IMMP2L: variants seen among roughly 807,000 people sequenced by gnomAD.
The protein encoded by IMMP2L is inner mitochondrial membrane peptidase subunit 2.
IMMP2L carries 18 observed loss-of-function variants against 19.3 expected under a neutral mutation model. That is an observed-to-expected ratio of 0.93 (90% confidence interval 0.64 to 1.38). The LOEUF (loss-of-function observed/expected upper bound fraction) is 1.38, where lower values mean the gene tolerates loss of function less well. Among genes scored for constraint, IMMP2L ranks in the 40% most tolerant of loss-of-function variants. The pLI, the probability that IMMP2L is intolerant of heterozygous loss-of-function variation, is 0.00. For missense variants in IMMP2L, 233 were observed against 218.2 expected (o/e 1.07, Z -0.43); for synonymous variants, 76 against 73.0 (o/e 1.04, Z -0.21).
chr7:110,702,276 G>C (rs537314134), intron 5 of IMMP2L, among the ~76,000 whole-genome samples: 2 of 152,128 alleles, frequency 1.3e-5, no homozygotes, highest in Middle Eastern at 3.4e-3. Context: ...TCGCACTTGT[G>C]ACAAATTTGG....
At chr7:111,331,689 A>G (rs1825894473) in intron 3 of IMMP2L, among the ~76,000 whole-genome samples, 2 of 152,060 alleles carry the variant, frequency 1.3e-5, no homozygotes, top group South Asian at 4.1e-4. Flanking sequence ...ATACAATTAT[A>G]AATTATCAAT....
At chr7:110,971,145 C>G (rs748413000) in intron 3 of IMMP2L, among the ~76,000 whole-genome samples, 5 of 152,066 alleles carry the variant, frequency 3.3e-5, no homozygotes, top group Admixed American at 6.6e-5. Context: ...TTAGAAGTAC[C>G]TGTAGCCACC....
intron 4 of IMMP2L, among the ~76,000 whole-genome samples, chr7:110,917,797 G>T (rs1181743788): frequency 2.0e-5 from 3 of 152,064 alleles, no homozygotes; most frequent in Non-Finnish European, 4.4e-5. Flanking sequence ...AAAAACATCA[G>T]TTGCCTGGCA....
chr7:111,024,767 A>T (rs1826646869), intron 3 of IMMP2L, among the ~76,000 whole-genome samples: 1 of 152,136 alleles, frequency 6.6e-6, no homozygotes, highest in African/African-American at 2.4e-5. Context: ...TATAATCCAT[A>T]AACAACTTTA....
intron 5 of IMMP2L, among the ~76,000 whole-genome samples, chr7:110,718,830 A>T (rs376117967): frequency 3.3e-5 from 5 of 152,222 alleles, no homozygotes; most frequent in African/African-American, 9.6e-5. Context: ...TGAAATAGCC[A>T]GAAGCAGCAA....
chr7:111,118,626 T>A (rs1800182067), intron 3 of IMMP2L, among the ~76,000 whole-genome samples: 1 of 152,096 alleles, frequency 6.6e-6, no homozygotes, highest in African/African-American at 2.4e-5. Context: ...AAATTAATAA[T>A]GAATAAGAAA....
Position 110,663,630 on chromosome 7 carries a change from C to T in IMMP2L, c.500G>A (p.Arg167His), listed in dbSNP as rs200952795. The change falls in exon 6 of 6, where the codon CGC becomes CAC. Residue 167 changes from arginine (R) to histidine (H), a missense_variant. By Grantham distance (29) the Arg-to-His change is conservative (BLOSUM62 0). Transcript: ENST00000405709. ...TTCCTCTTCTCTCTGTACTGGTAAG[C>T]GCTCTGGAGGAAGAACAGATTCCAA... is the stretch of plus-strand genomic sequence containing the variant. Reference protein sequence around the residue: ...QKLESVLPPERLPVQREEE With the variant: ...QKLESVLPPEHLPVQREEE The T allele has an allele frequency of 5.0e-5, 81 of 1,612,696 alleles. No homozygotes were observed. The highest frequency in any genetic ancestry group is 6.7e-5 in the East Asian group (3 of 44,812).
At chr7:111,385,650 T>C (rs984766071) in intron 3 of IMMP2L, among the ~76,000 whole-genome samples, 1 of 152,132 alleles carries the variant, frequency 6.6e-6, no homozygotes, top group Non-Finnish European at 1.5e-5. Context: ...GTTTCTACCA[T>C]ATAAACGTCA....
At chr7:111,424,282 T>C (rs1411979948) in intron 3 of IMMP2L, among the ~76,000 whole-genome samples, 1 of 151,590 alleles carries the variant, frequency 6.6e-6, no homozygotes, top group Non-Finnish European at 1.5e-5. Flanking sequence ...TCTGTTTAAG[T>C]AGCCAGGAAG....
intron 5 of IMMP2L, among the ~76,000 whole-genome samples, chr7:110,858,298 C>G (rs987997445): frequency 6.6e-6 from 1 of 152,054 alleles, no homozygotes; most frequent in Non-Finnish European, 1.5e-5. Flanking sequence ...TGCAGAAATA[C>G]AGTAGGTCTA....
intron 5 of IMMP2L, among the ~76,000 whole-genome samples, chr7:110,854,535 C>T (rs1461331398): frequency 1.3e-5 from 2 of 151,896 alleles, no homozygotes; most frequent in African/African-American, 4.8e-5. Flanking sequence ...GGAACATGCA[C>T]TTAAAACATT....
chr7:111,317,712 TTGG>T lies in IMMP2L; in HGVS notation c.239+169523_239+169525del, dbSNP rs557062754. On this transcript the variant is annotated intron_variant, in intron 3 of 5. Transcript: ENST00000405709. ...AAACAATCTGTCAGTTTGATTTCAC[TTGG>T]TTAGTGAGGGTGTTGATTTTGTTGT... Among the ~76,000 whole-genome samples the T allele has an allele frequency of 1.3e-4, 20 of 152,256 alleles. 1 individual carries two copies. The highest frequency in any genetic ancestry group is 4.1e-4 in the African/African-American group (17 of 41,564).
intron 1 of IMMP2L, among the ~76,000 whole-genome samples, chr7:111,539,178 AGGAAGGAAGGAAGGAGGG>A (rs1848205850): frequency 4.4e-5 from 3 of 68,906 alleles, no homozygotes; most frequent in African/African-American, 2.2e-4. Flanking sequence ...GAAGGAAGGA[AGGAAGGAAGGAAGGAGGG>A]AGAAAGAAAG....
chr7:111,264,224 T>G (rs1326697873), intron 3 of IMMP2L, among the ~76,000 whole-genome samples: 2 of 152,168 alleles, frequency 1.3e-5, no homozygotes, highest in Non-Finnish European at 2.9e-5. Context: ...AACCTGTCTC[T>G]TCTTAAAATG....
At chr7:111,110,317 A>C (rs921925384) in intron 3 of IMMP2L, among the ~76,000 whole-genome samples, 10 of 152,082 alleles carry the variant, frequency 6.6e-5, no homozygotes, top group Admixed American at 6.6e-4. Flanking sequence ...AAACCTCAAA[A>C]CTAATATTTT....
intron 3 of IMMP2L, among the ~76,000 whole-genome samples, chr7:111,134,043 T>C (rs1328902330): frequency 6.6e-6 from 1 of 152,076 alleles, no homozygotes; most frequent in Non-Finnish European, 1.5e-5. Flanking sequence ...ATTTTGTATA[T>C]AGAAGCCCAA....
At chr7:110,934,222 A>AT (rs982151714) in intron 4 of IMMP2L, among the ~76,000 whole-genome samples, 1 of 152,062 alleles carries the variant, frequency 6.6e-6, no homozygotes, top group Non-Finnish European at 1.5e-5. Context: ...TATGATTTCT[A>AT]TTCTTTTGCA....
intron 3 of IMMP2L, among the ~76,000 whole-genome samples, chr7:111,004,109 C>T (rs1824036651): frequency 6.6e-6 from 1 of 152,128 alleles, no homozygotes; most frequent in Admixed American, 6.5e-5. Context: ...GATTTGAATG[C>T]TTGGTTTCAC....
At chr7:111,015,311 C>G (rs528041979) in intron 3 of IMMP2L, among the ~76,000 whole-genome samples, 1 of 152,148 alleles carries the variant, frequency 6.6e-6, no homozygotes, top group South Asian at 2.1e-4. Flanking sequence ...CACAAGAAGA[C>G]AAATACTGTA....
Sources: allele counts gnomAD v4.1 joint callset (sites outside exome capture counted in the v4.1 genomes callset), GRCh38; gene constraint gnomAD v4.1.1; transcripts MANE v1.5; gene names NCBI Gene and HGNC (gene_info 2026-07-23, HGNC 2026-07-21).